ELL: variants seen among roughly 807,000 people sequenced by gnomAD.
ELL encodes the protein RNA polymerase II elongation factor ELL.
Under a neutral mutation model 64.0 loss-of-function variants are expected in ELL, and 18 were observed. The ratio of observed to expected loss-of-function variants is 0.28; its 90% CI spans 0.19 to 0.42. ELL has a LOEUF of 0.42. Among genes scored for constraint, ELL ranks in the 10% least tolerant of loss-of-function variants. ELL has a pLI of 1.00. For synonymous variants in ELL, 399 were observed against 376.2 expected (o/e 1.06, Z -0.70); for missense variants, 797 against 870.4 (o/e 0.92, Z 1.06).
rs1307908884 is a variant in ELL at position 18,472,731 on chromosome 19, C to G, written c.183+104G>C. 2.8e-6 allele frequency: 4 copies of G among 1,407,758 alleles called. No homozygotes were observed. The African/African-American group carries it at 5.8e-5, about 20-fold the overall frequency. The allele number at this position is 1,407,758 out of a possible 1,614,324, so 87.2% of individuals were successfully genotyped here. A position where few individuals can be genotyped will look rare whatever the true frequency, so the allele number is the denominator to read the frequency against. On this transcript the variant is annotated intron_variant, in intron 2 of 11. Coordinates refer to ENST00000262809, the MANE Select transcript of ELL (RefSeq NM_006532.4). ...AGCCTTGCATGGTGGCAGACAGGGCCCAAACACTGCCATGAGCTGCTGCTG... is the reference window on the plus strand; with the variant it reads ...AGCCTTGCATGGTGGCAGACAGGGCGCAAACACTGCCATGAGCTGCTGCTG...
intron 1 of ELL, among the ~76,000 whole-genome samples, chr19:18,505,165 T>G (rs984608898): frequency 2.0e-5 from 3 of 152,142 alleles, no homozygotes; most frequent in Non-Finnish European, 4.4e-5. Flanking sequence ...CACAAGCCAC[T>G]GTCCCGTAGC....
intron 1 of ELL, among the ~76,000 whole-genome samples, chr19:18,516,331 C>A (rs79999959): frequency 0.012 from 1,840 of 152,296 alleles, 42 homozygotes; most frequent in African/African-American, 0.042. Context: ...TGCGACAGCA[C>A]ACCGGCCATG....
chr19:18,450,916 C>G lies in ELL; in HGVS notation c.1026G>C (p.Ser342=). The change falls in exon 8 of 12, where the codon TCG becomes TCC. Residue 342 remains serine (S), a synonymous_variant. Transcript: ENST00000262809. ...DPLANKKPRI[S]HFTQRAQPAV... is the part of the protein sequence containing the mutation. ...CAGGCTGAGCTCTCTGAGTGAAGTG[C>G]GATATCCGGGGTTTCTTGTTGGCTA... 1.3e-6 allele frequency: 2 copies of G among 1,546,696 alleles called. No homozygotes were observed. Among genetic ancestry groups the G allele is most frequent in the South Asian group, 2.4e-5 (2 of 82,444 alleles).
chr19:18,474,049 C>CA (rs556402656), intron 1 of ELL, among the ~76,000 whole-genome samples: 1 of 152,240 alleles, frequency 6.6e-6, no homozygotes, highest in African/African-American at 2.4e-5. Context: ...GCGACAGTAT[C>CA]AGAGACAACA....
chr19:18,512,088 G>T (rs1356401444), intron 1 of ELL, among the ~76,000 whole-genome samples: 1 of 151,732 alleles, frequency 6.6e-6, no homozygotes, highest in Non-Finnish European at 1.5e-5. Context: ...CCAGGGGGCA[G>T]AGGTTGCAGT....
intron 1 of ELL, among the ~76,000 whole-genome samples, chr19:18,488,621 G>A (rs548703151): frequency 5.9e-5 from 9 of 152,148 alleles, no homozygotes; most frequent in Admixed American, 1.3e-4. Flanking sequence ...AAGTCTGATC[G>A]CAGGGACCTT....
rs570356789 is a variant in ELL at position 18,503,832 on chromosome 19, C to T, written c.135+18089G>A. On this transcript the variant is annotated intron_variant, in intron 1 of 11. Transcript: ENST00000262809. Reference sequence around the variant, plus strand: ...CTGCTGCAGGCTGGATGAGGGCCCACGGGACTGTCACTCATCACTCCCGTT... The same window carrying T: ...CTGCTGCAGGCTGGATGAGGGCCCATGGGACTGTCACTCATCACTCCCGTT... Among the ~76,000 whole-genome samples the T allele has an allele frequency of 4.6e-5, 7 of 152,124 alleles. No homozygotes were observed. In the South Asian group the frequency reaches 8.3e-4, roughly 18 times the overall value.
Position 18,449,756 on chromosome 19 carries a change from CATGGTGGTGGA to C in ELL, c.1465+710_1465+720del. 6.6e-6 allele frequency among the ~76,000 whole-genome samples: 1 copy of C among 152,242 alleles called. No individual in the cohort carries two copies. Among genetic ancestry groups the C allele is most frequent in the South Asian group, 2.1e-4 (1 of 4,834 alleles). On this transcript the variant is annotated intron_variant, in intron 8 of 11. Transcript: ENST00000262809. The surrounding 1 kb of genome is among the most constrained non-coding windows in gnomAD (Gnocchi z 4.4). ...TGGGACCACTGCAGCCCCTGTCGCA[CATGGTGGTGGA>C]ACAGCCGCTGCACGCTGGCCACTGC... is the stretch of plus-strand genomic sequence containing the variant.
Position 18,446,126 on chromosome 19 carries a change from A to G in ELL, c.1704+183T>C, listed in dbSNP as rs946478350. ...TGGGCTGCCTTCAAGGACTCCCACA[A>G]CAGGACCCCAGGGCCGGGCCAGAAC... On this transcript the variant is annotated intron_variant, in intron 10 of 11. Coordinates refer to ENST00000262809, the MANE Select transcript of ELL (RefSeq NM_006532.4). 3.3e-5 allele frequency: 25 copies of G among 757,442 alleles called. No homozygotes were observed. The East Asian group carries it at 6.6e-4, about 20-fold the overall frequency. 46.9% of individuals were successfully genotyped at this position (757,442 alleles called of 1,614,324 possible).
intron 1 of ELL, among the ~76,000 whole-genome samples, chr19:18,521,247 C>T (rs1340955665): frequency 1.3e-5 from 2 of 152,196 alleles, no homozygotes; most frequent in South Asian, 2.1e-4. Context: ...GAGAGGGTCA[C>T]CTGGGGGTAA....
intron 9 of ELL, 68 bp from the exon 10 acceptor site, chr19:18,446,548 T>TC (rs1339214890): frequency 6.4e-7 from 1 of 1,569,354 alleles, no homozygotes; most frequent in African/African-American, 1.3e-5. Context: ...GAAGTGGCCA[T>TC]CCTGGCTCCA....
chr19:18,471,841 G>A (rs1975070908), intron 2 of ELL, among the ~76,000 whole-genome samples: 1 of 152,184 alleles, frequency 6.6e-6, no homozygotes, highest in East Asian at 1.9e-4. Flanking sequence ...AGGGTGCTGA[G>A]TTTCTATGAA....
At chr19:18,472,376 C>T (rs111787161) in intron 2 of ELL, 3,991 of 159,520 alleles carry the variant, frequency 0.025, 110 homozygotes, top group African/African-American at 0.071. Flanking sequence ...ATAAGGAGCA[C>T]GCAACCTAGA....
chr19:18,512,637 A>G (rs1409168378), intron 1 of ELL, among the ~76,000 whole-genome samples: 10 of 152,216 alleles, frequency 6.6e-5, no homozygotes, highest in Admixed American at 6.5e-4. Context: ...ATAAAACCCT[A>G]ACAGCAGAGC....
At chr19:18,471,443 G>A (rs955081462) in intron 2 of ELL, 25 of 380,836 alleles carry the variant, frequency 6.6e-5, no homozygotes, top group African/African-American at 4.5e-4. Flanking sequence ...TGCAGCAGGT[G>A]GATCACCTGA....
Position 18,486,500 on chromosome 19 carries a change from T to G in ELL, c.136-13618A>C, listed in dbSNP as rs561838596. On this transcript the variant is annotated intron_variant, in intron 1 of 11. Transcript: ENST00000262809. ...GACCCAGGAGGACCGTCCTTCCTCC[T>G]CCGGTGGTCGGCCACACTCACCAAG... 3.3e-5 allele frequency among the ~76,000 whole-genome samples: 5 copies of G among 151,976 alleles called. No homozygotes were observed. In the South Asian group the frequency reaches 1.0e-3, roughly 32 times the overall value.
chr19:18,490,442 T>A lies in ELL; in HGVS notation c.136-17560A>T, dbSNP rs999603592. Among the ~76,000 whole-genome samples the A allele has an allele frequency of 2.0e-5, 3 of 152,314 alleles. No individual in the cohort carries two copies. The South Asian group carries it at 6.2e-4, about 32-fold the overall frequency. The stretch of plus-strand genomic sequence containing the variant: ...GTCATTGCCTGACTTGGTGGTGACC[T>A]CACATTGTCCTCCCCGCAGCGGGAG... On this transcript the variant is annotated intron_variant, in intron 1 of 11. Transcript: ENST00000262809.
intron 1 of ELL, among the ~76,000 whole-genome samples, chr19:18,487,373 G>A (rs1239665324): frequency 6.6e-6 from 1 of 152,240 alleles, no homozygotes; most frequent in Non-Finnish European, 1.5e-5. Context: ...CTTCCTTCGT[G>A]CTTGAGGAGC....
Position 18,505,841 on chromosome 19 carries a change from C to T in ELL, c.135+16080G>A, listed in dbSNP as rs1975875243. On this transcript the variant is annotated intron_variant, in intron 1 of 11. Coordinates refer to ENST00000262809, the MANE Select transcript of ELL (RefSeq NM_006532.4). ...TGAGTTGCAGGAGGGGCTGCAGGCACTGACCTGACCTCCCACCCACAGGAT... is the reference window on the plus strand; with the variant it reads ...TGAGTTGCAGGAGGGGCTGCAGGCATTGACCTGACCTCCCACCCACAGGAT... Among the ~76,000 whole-genome samples the T allele has an allele frequency of 2.0e-5, 3 of 152,186 alleles. No individual in the cohort carries two copies. The South Asian group carries it at 6.2e-4, about 31-fold the overall frequency.
Sources: gnomAD v4.1 joint callset for allele counts (sites outside exome capture counted in the v4.1 genomes callset) on GRCh38, gnomAD v4.1.1 for gene constraint, Gnocchi (gnomAD v3.1) non-coding constraint, MANE v1.5 for transcripts, NCBI Gene and HGNC (gene_info 2026-07-23, HGNC 2026-07-21) for gene names.